PCDHA2: variants seen among roughly 807,000 people sequenced by gnomAD.
The protein encoded by PCDHA2 is protocadherin alpha-2.
A neutral mutation model predicts 66.0 loss-of-function variants in PCDHA2; 58 were observed. That is an observed-to-expected ratio of 0.88 (90% CI 0.71 to 1.09). The LOEUF (loss-of-function observed/expected upper bound fraction) is 1.09, where lower values mean the gene tolerates loss of function less well. Ranked by LOEUF, PCDHA2 falls within the 50% of genes least tolerant of loss-of-function variation. The probability of loss-of-function intolerance (pLI) is 0.00; values close to 1 mark genes in which losing one functional copy is unlikely to be tolerated. For missense variants in PCDHA2, 1,267 were observed against 1,242.3 expected, an observed-to-expected ratio of 1.02 and a Z score of -0.30; for synonymous variants, 634 against 554.0, an observed-to-expected ratio of 1.14 and a Z score of -2.03.
chr5:140,960,395 AG>A (rs562972971), intron 1 of PCDHA2, among the ~76,000 whole-genome samples: 1 of 152,150 alleles, frequency 6.6e-6, no homozygotes, highest in African/African-American at 2.4e-5. Context: ...TTAGGATGCA[AG>A]GGGGGGTGCC....
At chr5:140,825,177 G>T (rs1289982314) in intron 1 of PCDHA2, 2 of 151,306 alleles carry the variant, frequency 1.3e-5, no homozygotes, top group Non-Finnish European at 1.5e-5. Context: ...ATTTACTAAT[G>T]TATCTTGATG....
chr5:140,961,236 T>G (rs246004), intron 1 of PCDHA2, among the ~76,000 whole-genome samples: 1 of 151,942 alleles, frequency 6.6e-6, no homozygotes, highest in African/African-American at 2.4e-5. Context: ...AAAAAGGTGA[T>G]GGAATTTATC....
chr5:140,985,643 A>C (rs564908892), intron 3 of PCDHA2, among the ~76,000 whole-genome samples: 10 of 151,298 alleles, frequency 6.6e-5, no homozygotes, highest in African/African-American at 1.9e-4. Context: ...TCATCCCAAC[A>C]CTTGCAATGG....
chr5:140,816,229 A>G (rs1765869006), intron 1 of PCDHA2: 1 of 152,116 alleles, frequency 6.6e-6, no homozygotes, highest in Non-Finnish European at 1.5e-5. Flanking sequence ...TGTCTGGATA[A>G]TTTCAAATGA....
chr5:140,864,096 T>A (rs1459291547), intron 1 of PCDHA2: 1 of 152,388 alleles, frequency 6.6e-6, no homozygotes, highest in South Asian at 2.1e-4. Context: ...TTGATAAGTA[T>A]AATGATAATA....
intron 1 of PCDHA2, chr5:140,842,290 G>T: frequency 6.2e-7 from 1 of 1,610,202 alleles, no homozygotes; most frequent in South Asian, 1.1e-5. Context: ...TTGACGCCAC[G>T]GACAAAGGCC....
Position 140,857,884 on chromosome 5 carries a change from G to C in PCDHA2, c.2388+60532G>C, listed in dbSNP as rs782097827. 60 of 1,597,656 alleles carry C rather than the reference G, an allele frequency of 3.8e-5. 6 individuals carry two copies. Among genetic ancestry groups the C allele is most frequent in the Non-Finnish European group, 5.0e-5 (58 of 1,167,502 alleles). On this transcript the variant is annotated intron_variant, in intron 1 of 3. Transcript: ENST00000526136. ...CGTGGCTGTCGTATGAATTGCAGTC[G>C]GCGGCGGTTGGTGCACGCATCCCGT...
chr5:140,961,549 T>C (rs782360372), intron 1 of PCDHA2, among the ~76,000 whole-genome samples: 3 of 152,220 alleles, frequency 2.0e-5, no homozygotes, highest in Non-Finnish European at 4.4e-5. Flanking sequence ...CTGCAGCATT[T>C]CTTTTTTTAA....
At chr5:140,956,740 C>T in intron 1 of PCDHA2, among the ~76,000 whole-genome samples, 1 of 152,122 alleles carries the variant, frequency 6.6e-6, no homozygotes, top group East Asian at 1.9e-4. Context: ...CCTCTTTGTA[C>T]CTCTGATAGA....
rs543216216 is a variant in PCDHA2, at chr5:140,917,329, G to A, written c.2389-61620G>A. 1.4e-4 allele frequency among the ~76,000 whole-genome samples: 20 copies of A among 144,014 alleles called. 2 individuals are homozygous for A. In the South Asian group the frequency reaches 2.0e-3, roughly 14 times the overall value. The allele number at this position is 144,014 out of a possible 152,430, so 94.5% of individuals were successfully genotyped here. ...ACAATTTGGTGTTCATGTGGCGGGG[G>A]AGGGGGGGGATGGTGTAGGCTTCTG... is the stretch of plus-strand genomic sequence containing the variant. On this transcript the variant is annotated intron_variant, in intron 1 of 3. Coordinates refer to ENST00000526136, the MANE Select transcript of PCDHA2 (RefSeq NM_018905.3).
chr5:140,942,310 C>T (rs782391809), intron 1 of PCDHA2, among the ~76,000 whole-genome samples: 14 of 151,402 alleles, frequency 9.2e-5, no homozygotes, highest in East Asian at 1.9e-4. Flanking sequence ...CTTGGGAGGT[C>T]GAGGCACAAG....
chr5:140,960,482 G>GTGTA (rs1585840878), intron 1 of PCDHA2, among the ~76,000 whole-genome samples: 1 of 152,150 alleles, frequency 6.6e-6, no homozygotes, highest in Non-Finnish European at 1.5e-5. Context: ...TTACACAGAG[G>GTGTA]TGTAGGTTTG....
At chr5:140,807,549 T>A (rs782626216) in intron 1 of PCDHA2, 14 of 1,614,068 alleles carry the variant, frequency 8.7e-6, no homozygotes, top group Non-Finnish European at 1.1e-5. Context: ...CATGTGGACG[T>A]GGAGGTGAGG....
intron 1 of PCDHA2, chr5:140,822,579 A>G (rs2150117484): frequency 1.2e-6 from 2 of 1,612,484 alleles, no homozygotes; most frequent in South Asian, 2.2e-5. Context: ...CCTCAGATGC[A>G]GATGAGGGCA....
chr5:140,976,023 A>C (rs907977893), intron 1 of PCDHA2, among the ~76,000 whole-genome samples: 1 of 152,206 alleles, frequency 6.6e-6, no homozygotes, highest in Non-Finnish European at 1.5e-5. Flanking sequence ...AAATAATCAC[A>C]GTTATTTCAA....
intron 1 of PCDHA2, chr5:140,814,859 T>C (rs2126659570): frequency 1.3e-5 from 2 of 152,334 alleles, no homozygotes; most frequent in Admixed American, 6.5e-5. Context: ...CTCATATATT[T>C]AGGTGTTTTA....
intron 3 of PCDHA2, among the ~76,000 whole-genome samples, chr5:140,997,279 A>G (rs1386656925): frequency 6.6e-6 from 1 of 152,166 alleles, no homozygotes; most frequent in Non-Finnish European, 1.5e-5. Flanking sequence ...TTCTTGCATC[A>G]CTTAACAATG....
intron 3 of PCDHA2, among the ~76,000 whole-genome samples, chr5:141,001,247 A>G (rs547699044): frequency 1.3e-5 from 2 of 152,256 alleles, no homozygotes; most frequent in African/African-American, 2.4e-5. Flanking sequence ...AATCAACCCT[A>G]TGGGGCGGGC....
At chr5:140,876,483 G>C in intron 1 of PCDHA2, 1 of 1,614,004 alleles carries the variant, frequency 6.2e-7, no homozygotes, top group Non-Finnish European at 8.5e-7. Context: ...GCATGGTCCT[G>C]GTGGAAGTTC....
Sources: gnomAD v4.1 joint callset for allele counts (sites outside exome capture counted in the v4.1 genomes callset) on GRCh38, gnomAD v4.1.1 for gene constraint, MANE v1.5 for transcripts, NCBI Gene and HGNC (gene_info 2026-07-23, HGNC 2026-07-21) for gene names.